Variants in KCNJ6 observed in about 807,000 individuals in gnomAD.
KCNJ6 encodes the protein G protein-activated inward rectifier potassium channel 2.
KCNJ6 carries 9 observed loss-of-function variants against 34.2 expected under a neutral mutation model. The observed-to-expected ratio is 0.26, with a 90% CI of 0.16 to 0.46. KCNJ6 has a LOEUF of 0.46. KCNJ6 is among the 20% of genes least tolerant of loss of function. KCNJ6 has a pLI of 1.00. For synonymous variants in KCNJ6, 196 were observed against 207.1 expected (o/e 0.95, Z 0.46); for missense variants, 236 against 531.3 (o/e 0.44, Z 5.46).
chr21:37,840,492 C>T (rs185265468), intron 2 of KCNJ6, among the ~76,000 whole-genome samples, 166 bp downstream of exon 2: 225 of 152,290 alleles, frequency 1.5e-3, no homozygotes, highest in African/African-American at 5.0e-3. Flanking sequence ...CTCCAAATAA[C>T]GCATAAAGTA....
chr21:37,834,714 C>G lies in KCNJ6; in HGVS notation c.25+5944G>C, dbSNP rs16995538. Reference sequence around the variant, plus strand: ...TCTGTCTTCATTTCATCTGACACAACAGCATTTCAAATCTGTACTAAATTT... The same window carrying G: ...TCTGTCTTCATTTCATCTGACACAAGAGCATTTCAAATCTGTACTAAATTT... On this transcript the variant is annotated intron_variant, in intron 2 of 3. Transcript: ENST00000609713. 7.1e-3 allele frequency among the ~76,000 whole-genome samples: 1,087 copies of G among 152,328 alleles called. 17 individuals carry two copies. The highest frequency in any genetic ancestry group is 0.024 in the African/African-American group (1,014 of 41,560).
chr21:37,914,008 G>GGTGTGTGTGTGTGT lies in KCNJ6; in HGVS notation c.-28+1862_-28+1875dup, dbSNP rs371432862. On this transcript the variant is annotated intron_variant, in intron 1 of 3. Transcript: ENST00000609713. ...GCAACCCTCGTCAGAGGCGGATCGG[G>GGTGTGTGTGTGTGT]GTGTGTGTGTGTGTGTGTGTGTGTG... 9.5e-3 allele frequency among the ~76,000 whole-genome samples: 1,287 copies of GGTGTGTGTGTGTGT among 135,568 alleles called. 21 individuals carry two copies. Among genetic ancestry groups the GGTGTGTGTGTGTGT allele is most frequent in the East Asian group, 0.019 (79 of 4,116 alleles). The allele number at this position is 135,568 out of a possible 152,430, so 88.9% of individuals were successfully genotyped here.
intron 2 of KCNJ6, among the ~76,000 whole-genome samples, chr21:37,825,148 C>G (rs2055392904): frequency 6.6e-6 from 1 of 152,134 alleles, no homozygotes; most frequent in African/African-American, 2.4e-5. Flanking sequence ...CTTCCATTTG[C>G]TGAGATTTTT....
chr21:37,640,614 T>C (rs751594382), intron 3 of KCNJ6, among the ~76,000 whole-genome samples: 13 of 152,390 alleles, frequency 8.5e-5, no homozygotes, highest in Non-Finnish European at 1.5e-4. Flanking sequence ...AATAAAAACC[T>C]CCACAGGGAA....
chr21:37,889,969 G>C (rs2055754284), intron 1 of KCNJ6, among the ~76,000 whole-genome samples: 1 of 152,214 alleles, frequency 6.6e-6, no homozygotes, highest in African/African-American at 2.4e-5. Flanking sequence ...ATTCAACTCA[G>C]TGAGCTAGCC....
intron 2 of KCNJ6, among the ~76,000 whole-genome samples, chr21:37,817,014 G>T (rs1371485422): frequency 6.6e-6 from 1 of 152,138 alleles, no homozygotes; most frequent in Non-Finnish European, 1.5e-5. Context: ...GAATGCATGA[G>T]TTCAAATTCC....
chr21:37,840,898 G>A (rs577219892), intron 1 of KCNJ6, among the ~76,000 whole-genome samples, 189 bp from the exon 2 acceptor site: 70 of 152,216 alleles, frequency 4.6e-4, no homozygotes, highest in Middle Eastern at 3.4e-3. Flanking sequence ...GAGATTTTTA[G>A]GGCATTAAAA....
Position 37,861,609 on chromosome 21 carries a change from C to G in KCNJ6, c.-27-20900G>C, listed in dbSNP as rs142902322. ...ATGGTTAGCCCTGTATCTCAGCAGG[C>G]AGACATGCATTTTTCAGCACACTTC... On this transcript the variant is annotated intron_variant, in intron 1 of 3. Transcript: ENST00000609713. Among the ~76,000 whole-genome samples the G allele has an allele frequency of 3.7e-3, 557 of 152,270 alleles. 1 individual carries two copies. Among genetic ancestry groups the G allele is most frequent in the African/African-American group, 0.013 (531 of 41,548 alleles).
In KCNJ6 at chr21:37,616,682, A is replaced by C. The variant is rs2054269465; in HGVS notation, c.*8477T>G. 1 of 146,928 alleles carries C rather than the reference A, an allele frequency of 6.8e-6. No homozygotes were observed. The highest frequency in any genetic ancestry group is 2.2e-4 in the South Asian group (1 of 4,578). 9.1% of individuals were successfully genotyped at this position (146,928 alleles called of 1,614,324 possible). ...TGGCTATTAAGTGGTAAGGAATAGGACTAACCCCAATAATAGGTTGCTGGA... is the reference window on the plus strand; with the variant it reads ...TGGCTATTAAGTGGTAAGGAATAGGCCTAACCCCAATAATAGGTTGCTGGA... On this transcript the variant is annotated 3_prime_UTR_variant, in exon 4 of 4. Transcript: ENST00000609713.
intron 2 of KCNJ6, among the ~76,000 whole-genome samples, chr21:37,776,954 T>A (rs1305067088): frequency 2.0e-5 from 3 of 152,216 alleles, no homozygotes; most frequent in African/African-American, 4.8e-5. Context: ...TCTGGTAGAA[T>A]TTGGCTGTGA....
At chr21:37,911,436 T>C (rs114875818) in intron 1 of KCNJ6, among the ~76,000 whole-genome samples, 3,529 of 152,280 alleles carry the variant, frequency 0.023, 140 homozygotes, top group African/African-American at 0.078. Context: ...CTTTTGGTAC[T>C]TAAATGCCAA....
chr21:37,689,027 A>G (rs1190244630), intron 3 of KCNJ6, among the ~76,000 whole-genome samples: 1 of 152,222 alleles, frequency 6.6e-6, no homozygotes, highest in Non-Finnish European at 1.5e-5. Context: ...ATCACCATAT[A>G]TCGTTGGTGA....
intron 3 of KCNJ6, among the ~76,000 whole-genome samples, chr21:37,679,185 C>A (rs1289295662): frequency 4.6e-5 from 7 of 152,210 alleles, no homozygotes; most frequent in Non-Finnish European, 5.9e-5. Context: ...CCAGTCAAGC[C>A]TTCAGATGAC....
intron 3 of KCNJ6, among the ~76,000 whole-genome samples, chr21:37,626,462 C>G (rs1045827603): frequency 6.6e-6 from 1 of 152,130 alleles, no homozygotes; most frequent in Non-Finnish European, 1.5e-5. Context: ...AGATAAGAAG[C>G]CTTTTTGTAA....
chr21:37,739,831 G>A (rs149597551), intron 2 of KCNJ6, among the ~76,000 whole-genome samples: 3 of 152,030 alleles, frequency 2.0e-5, no homozygotes, highest in Non-Finnish European at 2.9e-5. Flanking sequence ...ACTGGGAGAG[G>A]GCAGTGTACC....
chr21:37,704,279 AGGTTGTACACCTTTTCCAACTT>A (rs749443575), intron 3 of KCNJ6, among the ~76,000 whole-genome samples: 19,356 of 151,668 alleles, frequency 0.13, 1,508 homozygotes, highest in East Asian at 0.37. Flanking sequence ...TGTTCCCCTG[AGGTTGTACACCTTTTCCAACTT>A]TGTTTGAGGA....
At chr21:37,642,507 G>T (rs1319386718) in intron 3 of KCNJ6, among the ~76,000 whole-genome samples, 1 of 152,194 alleles carries the variant, frequency 6.6e-6, no homozygotes, top group Non-Finnish European at 1.5e-5. Context: ...TCAAAGCTGA[G>T]GGGTAAAGAG....
At chr21:37,856,345 C>A (rs190343870) in intron 1 of KCNJ6, among the ~76,000 whole-genome samples, 1 of 152,184 alleles carries the variant, frequency 6.6e-6, no homozygotes, top group African/African-American at 2.4e-5. Flanking sequence ...GCTCTTCCAC[C>A]AGGAAATCCT....
chr21:37,714,423 T>G lies in KCNJ6; in HGVS notation c.734A>C (p.Lys245Thr). The change falls in exon 3 of 4, where the codon AAA (lysine) becomes ACA (threonine). Residue 245 changes from lysine to threonine, a missense_variant. Around this residue, in one of 5 missense-constraint regions of KCNJ6, gnomAD observed 60 missense variants for 207.3 expected, o/e 0.29. Coordinates refer to ENST00000609713, the MANE Select transcript of KCNJ6 (RefSeq NM_002240.5). The surrounding 1 kb of genome is among the most constrained non-coding windows in gnomAD (Gnocchi z 5.9). ...ASIRAKLIKS[K>T]QTSEGEFIPL... is the part of the protein sequence containing the mutation. ...GATGAACTCCCCCTCCGAGGTCTGT[T>G]TGGATTTGATCAACTTGGCTCTGAT... 6.2e-7 allele frequency: 1 copy of G among 1,614,186 alleles called. No homozygotes were observed. Among genetic ancestry groups the G allele is most frequent in the Non-Finnish European group, 8.5e-7 (1 of 1,180,030 alleles).
Sources: gnomAD v4.1 joint callset for allele counts (sites outside exome capture counted in the v4.1 genomes callset) on GRCh38, gnomAD v4.1.1 for gene constraint, gnomAD v4.1.1 regional missense constraint, Gnocchi (gnomAD v3.1) non-coding constraint, MANE v1.5 for transcripts, NCBI Gene and HGNC (gene_info 2026-07-23, HGNC 2026-07-21) for gene names.